WDR26: variants seen among roughly 807,000 people sequenced by gnomAD.
WDR26 encodes the protein WD repeat-containing protein 26.
A neutral mutation model predicts 84.1 loss-of-function variants in WDR26; 5 were observed. The ratio of observed to expected loss-of-function variants is 0.06; its 90% CI spans 0.03 to 0.13. The LOEUF is 0.13. WDR26 is among the 10% of genes least tolerant of loss of function. The pLI is 1.00. For synonymous variants in WDR26, 415 were observed against 389.6 expected (o/e 1.07, Z -0.77); for missense variants, 642 against 974.9 (o/e 0.66, Z 4.55).
intron 7 of WDR26, among the ~76,000 whole-genome samples, chr1:224,411,223 AT>A (rs1043678167): frequency 3.9e-5 from 6 of 152,316 alleles, no homozygotes; most frequent in East Asian, 1.9e-4. Flanking sequence ...ATTTAACATT[AT>A]TGTTAGCACA....
intron 4 of WDR26, among the ~76,000 whole-genome samples, chr1:224,420,555 T>A (rs931501300): frequency 3.3e-5 from 5 of 152,182 alleles, no homozygotes; most frequent in Admixed American, 3.3e-4. Flanking sequence ...ACCTCTCAGT[T>A]AACATGAGTA....
chr1:224,399,146 TC>T (rs761644772), intron 9 of WDR26, 112 bp from the exon 10 acceptor site: 529 of 954,068 alleles, frequency 5.5e-4, no homozygotes, highest in Non-Finnish European at 6.3e-4. Flanking sequence ...TTTTTTTTTT[TC>T]CTGAGACTGA....
chr1:224,432,640 CT>C (rs1186191387), intron 1 of WDR26, among the ~76,000 whole-genome samples: 1 of 152,194 alleles, frequency 6.6e-6, no homozygotes, highest in African/African-American at 2.4e-5. Context: ...AACCGAAATA[CT>C]TGTGCCACTT....
At chr1:224,431,111 T>TAC (rs2102925885) in intron 3 of WDR26, 1 of 177,870 alleles carries the variant, frequency 5.6e-6, no homozygotes, top group South Asian at 1.1e-4. Flanking sequence ...TGTATGGATA[T>TAC]ACACACACCC....
chr1:224,425,594 T>C (rs770001955), intron 3 of WDR26, among the ~76,000 whole-genome samples: 4 of 152,208 alleles, frequency 2.6e-5, no homozygotes, highest in Admixed American at 1.3e-4. Flanking sequence ...ATCTTAGCAG[T>C]TTTTTACAAG....
intron 6 of WDR26, among the ~76,000 whole-genome samples, chr1:224,414,903 C>A (rs1216734587): frequency 6.6e-6 from 1 of 152,192 alleles, no homozygotes; most frequent in Non-Finnish European, 1.5e-5. Context: ...GTGGTCCACA[C>A]CTGAAGCCCC....
intron 1 of WDR26, 68 bp downstream of exon 1, chr1:224,433,616 T>TCCCCCCCCCC: frequency 3.6e-6 from 2 of 557,418 alleles, no homozygotes; most frequent in Non-Finnish European, 5.1e-6. Flanking sequence ...CTCCGCCCCT[T>TCCCCCCCCCC]CCCCTACCCC....
intron 8 of WDR26, among the ~76,000 whole-genome samples, chr1:224,403,842 C>G (rs947923678): frequency 6.6e-6 from 1 of 152,006 alleles, no homozygotes; most frequent in Non-Finnish European, 1.5e-5. Context: ...GAGGCTGAGG[C>G]AGGAGAATCG....
chr1:224,389,632 G>A lies in WDR26; in HGVS notation c.*203C>T, dbSNP rs1419406200. The A allele has an allele frequency of 6.4e-6, 4 of 623,060 alleles. No individual in the cohort carries two copies. Among genetic ancestry groups the A allele is most frequent in the South Asian group, 1.8e-5 (1 of 54,314 alleles). The allele number at this position is 623,060 out of a possible 1,614,324, so 38.6% of individuals were successfully genotyped here. A position where few individuals can be genotyped will look rare whatever the true frequency, so the allele number is the denominator to read the frequency against. ...ATAATTCAACATGGTGTCCAACAAC[G>A]TTCTAACGACGTGCTTCATCTCAAC... On this transcript the variant is annotated 3_prime_UTR_variant, in exon 14 of 14. Coordinates refer to ENST00000414423, the MANE Select transcript of WDR26 (RefSeq NM_001379403.1).
chr1:224,403,744 C>T (rs1344391793), intron 8 of WDR26, among the ~76,000 whole-genome samples: 1 of 152,186 alleles, frequency 6.6e-6, no homozygotes, highest in African/African-American at 2.4e-5. Context: ...CGAGACTAGC[C>T]TGGCCAACAT....
chr1:224,399,050 C>G lies in WDR26; in HGVS notation c.1720-16G>C. 1.3e-6 allele frequency: 2 copies of G among 1,502,674 alleles called. No homozygotes were observed. Among genetic ancestry groups the G allele is most frequent in the Non-Finnish European group, 1.8e-6 (2 of 1,132,116 alleles). 93.1% of individuals were successfully genotyped at this position (1,502,674 alleles called of 1,614,324 possible). A position where few individuals can be genotyped will look rare whatever the true frequency, so the allele number is the denominator to read the frequency against. On this transcript the variant is annotated splice_polypyrimidine_tract_variant and intron_variant, in intron 9 of 13. Transcript: ENST00000414423. ...CATCTAAGTCCTGAGTAAGAAAAAACTACTATTAACTTCATTACTCAACAG... is the reference window on the plus strand; with the variant it reads ...CATCTAAGTCCTGAGTAAGAAAAAAGTACTATTAACTTCATTACTCAACAG...
chr1:224,388,727 CTAA>C lies in WDR26; in HGVS notation c.*1105_*1107del, dbSNP rs1436417331. The C allele has an allele frequency of 6.6e-6, 1 of 152,596 alleles. No individual in the cohort carries two copies. Among genetic ancestry groups the C allele is most frequent in the Non-Finnish European group, 1.5e-5 (1 of 68,020 alleles). The allele number at this position is 152,596 out of a possible 1,614,324, so 9.5% of individuals were successfully genotyped here. A position where few individuals can be genotyped will look rare whatever the true frequency, so the allele number is the denominator to read the frequency against. On this transcript the variant is annotated 3_prime_UTR_variant, in exon 14 of 14. Transcript: ENST00000414423. ...TATGTCTGTAACCTGCTGAATTCTT[CTAA>C]TAATTTCAATTATACTATAAACTTC...
intron 12 of WDR26, among the ~76,000 whole-genome samples, chr1:224,394,368 C>T (rs1277386237): frequency 6.6e-6 from 1 of 152,108 alleles, no homozygotes; most frequent in East Asian, 1.9e-4. Flanking sequence ...AGCAATGTAT[C>T]CAAATTGAAT....
At chr1:224,408,623 T>C (rs1174459099) in intron 7 of WDR26, among the ~76,000 whole-genome samples, 1 of 138,830 alleles carries the variant, frequency 7.2e-6, no homozygotes, top group East Asian at 2.2e-4. Flanking sequence ...CTGCCATTAC[T>C]CATCCCATTC....
At position 224,434,208 on chromosome 1, in the gene WDR26, G is replaced by GGAGGAGGAGGAGGAGGAGGAC. The variant is rs1399978491; in HGVS notation, c.177_197dup (p.Ser61_Ser67dup). The GGAGGAGGAGGAGGAGGAGGAC allele has an allele frequency of 2.2e-5, 30 of 1,383,074 alleles. No homozygotes were observed. In the African/African-American group the frequency reaches 4.2e-4, roughly 19 times the overall value. 85.7% of individuals were successfully genotyped at this position (1,383,074 alleles called of 1,614,324 possible). ...GAAGTCCCACCACTACCACCACGGA[G>GGAGGAGGAGGAGGAGGAGGAC]GAGGAGGAGGAGGAGGAGGACGAGG... On this transcript the variant is annotated inframe_insertion, in exon 1 of 14. Transcript: ENST00000414423.
chr1:224,393,876 C>G lies in WDR26; in HGVS notation c.2212G>C (p.Val738Leu). The stretch of plus-strand genomic sequence containing the variant: ...AAAGGTGCTGGTCCCCATATTCTAA[C>G]AGTGCCATCATCTGAGGCGCTGGCC... Residue 738 changes from valine to leucine, a missense_variant, in exon 13 of 14, where the codon GTT (valine) becomes CTT (leucine). By Grantham distance (32) the Val-to-Leu change is conservative (BLOSUM62 1). Around this residue, in one of 2 missense-constraint regions of WDR26, gnomAD observed 351 missense variants for 672.8 expected, o/e 0.52. Transcript: ENST00000414423. 1 of 1,585,186 alleles carries G rather than the reference C, an allele frequency of 6.3e-7. No individual in the cohort carries two copies. Among genetic ancestry groups the G allele is most frequent in the Non-Finnish European group, 8.6e-7 (1 of 1,157,360 alleles).
In WDR26 at chr1:224,434,434, G is replaced by GA; in HGVS notation, c.-30dup. 1 of 966,266 alleles carries GA rather than the reference G, an allele frequency of 1.0e-6. No individual in the cohort carries two copies. Among genetic ancestry groups the GA allele is most frequent in the Non-Finnish European group, 1.2e-6 (1 of 807,050 alleles). 59.9% of individuals were successfully genotyped at this position (966,266 alleles called of 1,614,324 possible). A position where few individuals can be genotyped will look rare whatever the true frequency, so the allele number is the denominator to read the frequency against. ...GGGAAGCCGGTGGGGCGAGGCGGGG[G>GA]AGGGGAGGCGGGGGCCGGGGAGAGG... is the stretch of plus-strand genomic sequence containing the variant. On this transcript the variant is annotated 5_prime_UTR_variant, in exon 1 of 14. Coordinates refer to ENST00000414423, the MANE Select transcript of WDR26 (RefSeq NM_001379403.1).
At chr1:224,396,685 G>A (rs974009605) in intron 12 of WDR26, among the ~76,000 whole-genome samples, 5 of 152,180 alleles carry the variant, frequency 3.3e-5, no homozygotes, top group Non-Finnish European at 5.9e-5. Flanking sequence ...CAGGCTGGGC[G>A]CGGTGGCTCA....
At chr1:224,419,465 T>A in intron 5 of WDR26, 53 bp downstream of exon 5, 1 of 1,309,652 alleles carries the variant, frequency 7.6e-7, no homozygotes, top group Non-Finnish European at 1.1e-6. Flanking sequence ...GATCACTGTA[T>A]CCATTTGTAA....
Sources: gnomAD v4.1 joint callset for allele counts (sites outside exome capture counted in the v4.1 genomes callset) on GRCh38, gnomAD v4.1.1 for gene constraint, gnomAD v4.1.1 regional missense constraint, MANE v1.5 for transcripts, NCBI Gene and HGNC (gene_info 2026-07-23, HGNC 2026-07-21) for gene names.